STAG1: variants seen among roughly 807,000 people sequenced by gnomAD.
STAG1 encodes the protein STAG1 cohesin complex component.
STAG1 carries 26 observed loss-of-function variants against 170.9 expected under a neutral mutation model. The ratio of observed to expected loss-of-function variants is 0.15; its 90% CI spans 0.11 to 0.21. STAG1 has a LOEUF of 0.21. Among genes scored for constraint, STAG1 ranks in the 10% least tolerant of loss-of-function variants. The probability of loss-of-function intolerance (pLI) is 1.00; values close to 1 mark genes in which losing one functional copy is unlikely to be tolerated. For missense variants in STAG1, 964 were observed against 1,509.5 expected (o/e 0.64, Z 5.99); for synonymous variants, 514 against 497.7 (o/e 1.03, Z -0.44).
At position 136,443,291 on chromosome 3, in the gene STAG1, C is replaced by T. The variant is rs761270187; in HGVS notation, c.1542G>A (p.Glu514=). The stretch of plus-strand genomic sequence containing the variant: ...TAACTTGTCAAAATACTATACCTTC[C>T]TCTCCTTGAACAGGTTCTTCTAATA... ...ELLLEEPVQG[E]EAMSDRQESA... The change falls in exon 15 of 34, where the codon GAG becomes GAA. Residue 514 remains glutamate, a synonymous_variant. Coordinates refer to ENST00000383202, the MANE Select transcript of STAG1 (RefSeq NM_005862.3). 2 of 1,602,954 alleles carry T rather than the reference C, an allele frequency of 1.2e-6. No individual in the cohort carries two copies. The highest frequency in any genetic ancestry group is 1.7e-4 in the Middle Eastern group (1 of 6,034).
chr3:136,721,245 G>C (rs1204100326), intron 1 of STAG1: 1 of 152,168 alleles, frequency 6.6e-6, no homozygotes, highest in African/African-American at 2.4e-5. Context: ...GAAACGCTCA[G>C]AATTTGGATA....
chr3:136,509,254 A>T (rs897750365), intron 7 of STAG1, among the ~76,000 whole-genome samples: 24 of 152,244 alleles, frequency 1.6e-4, no homozygotes, highest in African/African-American at 5.8e-4. Flanking sequence ...CAGGCAAGAT[A>T]ATCAGCTAAA....
chr3:136,424,029 AATTTTTGT>A (rs2107732396), intron 16 of STAG1, among the ~76,000 whole-genome samples: 1 of 151,888 alleles, frequency 6.6e-6, no homozygotes, highest in African/African-American at 2.4e-5. Context: ...ATGCATGGCT[AATTTTTGT>A]ATTTTTGTAG....
intron 4 of STAG1, among the ~76,000 whole-genome samples, chr3:136,595,475 C>T (rs55763637): frequency 0.17 from 26,296 of 151,758 alleles, 3,802 homozygotes; most frequent in African/African-American, 0.4. Flanking sequence ...AGGTGGATCA[C>T]GAGGTCAGGA....
rs1934418637 is a variant in STAG1, at chr3:136,737,676, A to C, written c.-84+14519T>G. 2.6e-5 allele frequency among the ~76,000 whole-genome samples: 4 copies of C among 152,270 alleles called. 1 individual carries two copies. The South Asian group carries it at 8.3e-4, about 31-fold the overall frequency. Reference sequence around the variant, plus strand: ...AATATTTGTTAGCCCTTACTGTGTCAGAATCTATTCTAGGTAGCAGTATAA... The same window carrying C: ...AATATTTGTTAGCCCTTACTGTGTCCGAATCTATTCTAGGTAGCAGTATAA... On this transcript the variant is annotated intron_variant, in intron 1 of 33. Transcript: ENST00000383202.
At chr3:136,417,528 T>G (rs2087809014) in intron 21 of STAG1, 2 of 175,708 alleles carry the variant, frequency 1.1e-5, no homozygotes, top group Non-Finnish European at 2.4e-5. Context: ...TAAGCCATAC[T>G]TAATATGATT....
intron 5 of STAG1, among the ~76,000 whole-genome samples, chr3:136,553,767 C>A (rs1210203293): frequency 6.6e-6 from 1 of 152,152 alleles, no homozygotes; most frequent in Non-Finnish European, 1.5e-5. Flanking sequence ...AGCGAGACTC[C>A]ATCTCAAAAC....
intron 1 of STAG1, among the ~76,000 whole-genome samples, chr3:136,666,431 T>C (rs1019711283): frequency 2.0e-5 from 3 of 152,208 alleles, no homozygotes; most frequent in Non-Finnish European, 2.9e-5. Context: ...CAATAAGAAC[T>C]GTATAAGAAC....
chr3:136,619,450 G>A lies in STAG1; in HGVS notation c.132+3696C>T, dbSNP rs113946559. On this transcript the variant is annotated intron_variant, in intron 3 of 33. Transcript: ENST00000383202. ...TTAAGTCATATTGGGTAGAGGTGGC[G>A]ATTTGCAATGTTAAACACATCTTTA... is the stretch of plus-strand genomic sequence containing the variant. Among the ~76,000 whole-genome samples, 647 of 151,784 alleles carry A rather than the reference G, an allele frequency of 4.3e-3. 6 individuals carry two copies. Among genetic ancestry groups the A allele is most frequent in the Non-Finnish European group, 7.1e-3 (482 of 67,914 alleles).
chr3:136,541,397 A>C (rs1935891767), intron 6 of STAG1, among the ~76,000 whole-genome samples: 3 of 152,178 alleles, frequency 2.0e-5, no homozygotes, highest in African/African-American at 7.2e-5. Flanking sequence ...TGCATTTACA[A>C]TCACTGTAAA....
chr3:136,569,383 C>T (rs1195614001), intron 4 of STAG1, among the ~76,000 whole-genome samples: 4 of 145,554 alleles, frequency 2.7e-5, no homozygotes, highest in Non-Finnish European at 6.0e-5. Flanking sequence ...ATCTCAAAAA[C>T]GTATCTGATA....
chr3:136,477,020 G>A (rs2089769931), intron 10 of STAG1, among the ~76,000 whole-genome samples: 1 of 152,016 alleles, frequency 6.6e-6, no homozygotes, highest in African/African-American at 2.4e-5. Flanking sequence ...AGAATATAAT[G>A]ATTTTCTTTC....
In STAG1 at chr3:136,568,782, T is replaced by A; in HGVS notation, c.377A>T (p.Gln126Leu). ...ALLDLINFFI[Q>L]CSGCRGTVRI... ...TTCTGTACCTCGACATCCTGAACACTGGATAAAAAAGTTGATTAAATCCAG... is the reference window on the plus strand; with the variant it reads ...TTCTGTACCTCGACATCCTGAACACAGGATAAAAAAGTTGATTAAATCCAG... The change falls in exon 5 of 34, where the codon CAG becomes CTG. Residue 126 changes from glutamine to leucine, a missense_variant. Coordinates refer to ENST00000383202, the MANE Select transcript of STAG1 (RefSeq NM_005862.3). 1.2e-6 allele frequency: 2 copies of A among 1,611,722 alleles called. No individual in the cohort carries two copies. The highest frequency in any genetic ancestry group is 2.2e-5 in the South Asian group (2 of 90,934).
In STAG1 at chr3:136,630,931, T is replaced by C. The variant is rs1238136151; in HGVS notation, c.-33A>G. ...GAGGTCCTTTCACAATGCAGCAAAA[T>C]AATCAAGTGCTGTACAACTCAAAAC... On this transcript the variant is annotated 5_prime_UTR_variant, in exon 2 of 34. Transcript: ENST00000383202. 1 of 1,557,424 alleles carries C rather than the reference T, an allele frequency of 6.4e-7. No homozygotes were observed. The highest frequency in any genetic ancestry group is 1.4e-5 in the African/African-American group (1 of 72,838).
chr3:136,677,970 A>G (rs1942191727), intron 1 of STAG1, among the ~76,000 whole-genome samples: 2 of 147,692 alleles, frequency 1.4e-5, no homozygotes, highest in Non-Finnish European at 3.0e-5. Context: ...TATAATATAT[A>G]TATATTCTCA....
intron 4 of STAG1, among the ~76,000 whole-genome samples, chr3:136,570,032 A>C (rs1404566509): frequency 3.3e-5 from 5 of 152,208 alleles, no homozygotes; most frequent in African/African-American, 1.2e-4. Context: ...ATGTATAAAA[A>C]TGTAAATTTT....
intron 23 of STAG1, among the ~76,000 whole-genome samples, chr3:136,376,061 T>TAAAATAAAATAAAAA (rs1560069542): frequency 8.6e-6 from 1 of 116,612 alleles, no homozygotes; most frequent in Admixed American, 8.3e-5. Context: ...CAAAATAAAA[T>TAAAATAAAATAAAAA]AAATGGCAGA....
intron 15 of STAG1, among the ~76,000 whole-genome samples, chr3:136,439,399 C>A: frequency 8.4e-6 from 1 of 119,278 alleles, no homozygotes; most frequent in Non-Finnish European, 1.9e-5. Context: ...GACACACACA[C>A]ACACACACAC....
chr3:136,504,545 T>C (rs1933656758), intron 7 of STAG1, among the ~76,000 whole-genome samples: 1 of 152,184 alleles, frequency 6.6e-6, no homozygotes, highest in Non-Finnish European at 1.5e-5. Context: ...AATTAAACTG[T>C]ATAAGGAAAG....
Sources: gnomAD v4.1 joint callset for allele counts (sites outside exome capture counted in the v4.1 genomes callset) on GRCh38, gnomAD v4.1.1 for gene constraint, MANE v1.5 for transcripts, NCBI Gene and HGNC (gene_info 2026-07-23, HGNC 2026-07-21) for gene names.